Variants in COL24A1 observed in about 807,000 individuals in gnomAD.
COL24A1 encodes the protein collagen type XXIV alpha 1 chain.
A neutral mutation model predicts 253.9 loss-of-function variants in COL24A1; 224 were observed. The observed-to-expected ratio is 0.88, with a 90% CI of 0.79 to 0.99. The LOEUF is 0.99. Ranked by LOEUF, COL24A1 falls within the 50% of genes least tolerant of loss-of-function variation. COL24A1 has a pLI of 0.00. For missense variants in COL24A1, 2,131 were observed against 2,068.5 expected (o/e 1.03, Z -0.59); for synonymous variants, 685 against 673.7 (o/e 1.02, Z -0.26).
intron 5 of COL24A1, among the ~76,000 whole-genome samples, chr1:86,102,125 GT>G (rs1330014916): frequency 2.6e-5 from 4 of 151,956 alleles, no homozygotes; most frequent in African/African-American, 9.7e-5. Flanking sequence ...GGGAAAGTGT[GT>G]GTGTCCAGGA....
intron 24 of COL24A1, among the ~76,000 whole-genome samples, chr1:85,922,832 G>A (rs1392525290): frequency 6.6e-6 from 1 of 152,194 alleles, no homozygotes; most frequent in Non-Finnish European, 1.5e-5. Context: ...AACCTTAAAT[G>A]TAAATGGGCT....
chr1:86,156,392 T>G lies in COL24A1; in HGVS notation c.5A>C (p.His2Pro). 6.2e-7 allele frequency: 1 copy of G among 1,611,748 alleles called. No homozygotes were observed. Among genetic ancestry groups the G allele is most frequent in the Non-Finnish European group, 8.5e-7 (1 of 1,179,046 alleles). The change falls in exon 1 of 60, where the codon CAT becomes CCT. Residue 2 changes from histidine to proline, a missense_variant. Physicochemically the swap from His to Pro is moderately conservative, Grantham distance 77. Transcript: ENST00000370571. ...ACGCCTTGTTCTGTGGGCTCTTAAA[T>G]GCATTTGTATGCATTTGTCCGTGCA... is the stretch of plus-strand genomic sequence containing the variant. M[H>P]LRAHRTRRGK...
chr1:86,013,308 A>C lies in COL24A1; in HGVS notation c.2310+3843T>G, dbSNP rs566161293. ...ATTACTTTCACTGAATTATGCTTTC[A>C]CATTGTAACATCCATCTATACTGAA... On this transcript the variant is annotated intron_variant, in intron 19 of 59. Transcript: ENST00000370571. 2.6e-5 allele frequency among the ~76,000 whole-genome samples: 4 copies of C among 152,354 alleles called. No individual in the cohort carries two copies. In the South Asian group the frequency reaches 8.3e-4, roughly 32 times the overall value.
intron 7 of COL24A1, among the ~76,000 whole-genome samples, chr1:86,088,086 T>C (rs1307816173): frequency 2.6e-5 from 4 of 152,242 alleles, no homozygotes; most frequent in Non-Finnish European, 5.9e-5. Flanking sequence ...TGACAATTTA[T>C]GTGACACGGT....
At chr1:86,055,407 A>G (rs185152804) in intron 10 of COL24A1, among the ~76,000 whole-genome samples, 32 of 152,360 alleles carry the variant, frequency 2.1e-4, no homozygotes, top group African/African-American at 6.0e-4. Flanking sequence ...CTAAAAGTAC[A>G]ACTTAAGAGG....
chr1:86,042,844 C>T (rs1328265447), intron 12 of COL24A1, among the ~76,000 whole-genome samples: 1 of 152,012 alleles, frequency 6.6e-6, no homozygotes, highest in Non-Finnish European at 1.5e-5. Context: ...TTAGACAAGA[C>T]TTTTAGTCCA....
chr1:85,870,772 A>G (rs1201786976), intron 35 of COL24A1, among the ~76,000 whole-genome samples: 1 of 152,180 alleles, frequency 6.6e-6, no homozygotes, highest in African/African-American at 2.4e-5. Context: ...ACACCCTAAC[A>G]TCACAATTAA....
chr1:85,869,028 T>C (rs960358381), intron 35 of COL24A1, among the ~76,000 whole-genome samples, 193 bp from the exon 36 acceptor site: 2 of 152,186 alleles, frequency 1.3e-5, no homozygotes, highest in Non-Finnish European at 2.9e-5. Context: ...GAAGATGATT[T>C]CATGATTCAG....
chr1:85,997,697 G>A (rs575584399), intron 19 of COL24A1, among the ~76,000 whole-genome samples: 20 of 151,392 alleles, frequency 1.3e-4, no homozygotes, highest in African/African-American at 4.4e-4. Flanking sequence ...CAGGAGAATC[G>A]CTTGAACCCA....
intron 1 of COL24A1, among the ~76,000 whole-genome samples, chr1:86,152,178 T>C (rs1404317195): frequency 6.6e-6 from 1 of 152,182 alleles, no homozygotes; most frequent in Non-Finnish European, 1.5e-5. Context: ...TTGCAATTAA[T>C]TTTTCAGACT....
chr1:86,126,292 TA>T, intron 2 of COL24A1, 78 bp from the exon 3 acceptor site: 1 of 1,319,222 alleles, frequency 7.6e-7, no homozygotes, highest in Admixed American at 2.4e-5. Flanking sequence ...TTGAATATGA[TA>T]AAAATCTTCC....
At chr1:86,093,919 C>A (rs1703698932) in intron 5 of COL24A1, among the ~76,000 whole-genome samples, 1 of 152,078 alleles carries the variant, frequency 6.6e-6, no homozygotes, top group African/African-American at 2.4e-5. Context: ...TAGAGAAATG[C>A]AATTCAAAAC....
In COL24A1 at chr1:85,744,777, G is replaced by T; in HGVS notation, c.4561C>A (p.Leu1521Met). 6.2e-7 allele frequency: 1 copy of T among 1,610,028 alleles called. No homozygotes were observed. The highest frequency in any genetic ancestry group is 8.5e-7 in the Non-Finnish European group (1 of 1,178,644). ...TGCAATAAATTGCTAAGGTAGTTCA[G>T]GGTTTTGAATATCTCTTCACTGTGG... ...IDHSEEIFKT[L>M]NYLSNLLHSI... The change falls in exon 57 of 60, where the codon CTG becomes ATG. Residue 1521 changes from leucine to methionine, a missense_variant. By Grantham distance (15) the Leu-to-Met change is conservative. Coordinates refer to ENST00000370571, the MANE Select transcript of COL24A1 (RefSeq NM_152890.7).
chr1:85,895,733 T>C (rs546441169), intron 31 of COL24A1, 125 bp downstream of exon 31: 1 of 748,956 alleles, frequency 1.3e-6, no homozygotes, highest in South Asian at 1.7e-5. Context: ...AAATATCACA[T>C]TGTATACTGC....
chr1:85,817,975 G>T, intron 46 of COL24A1, 59 bp downstream of exon 46: 1 of 1,417,426 alleles, frequency 7.1e-7, no homozygotes, highest in Non-Finnish European at 9.9e-7. Flanking sequence ...TTTTCTGCTT[G>T]CTAAAGTTGC....
chr1:85,868,652 A>G (rs1459350726), intron 36 of COL24A1, 26 bp from the exon 37 acceptor site: 2 of 1,582,984 alleles, frequency 1.3e-6, no homozygotes, highest in African/African-American at 1.3e-5. Context: ...AAAGTTTTCT[A>G]TAAAGGAATA....
chr1:85,922,535 A>T (rs1482585262), intron 24 of COL24A1, among the ~76,000 whole-genome samples: 1 of 152,204 alleles, frequency 6.6e-6, no homozygotes, highest in Non-Finnish European at 1.5e-5. Context: ...AAAGAAAAGA[A>T]TTTTCAATCC....
chr1:85,745,609 A>ACTT, intron 55 of COL24A1, 103 bp from the exon 56 acceptor site: 1 of 763,872 alleles, frequency 1.3e-6, no homozygotes, highest in Non-Finnish European at 2.1e-6. Flanking sequence ...AGTATACCAG[A>ACTT]CTTATTATCT....
chr1:85,940,562 A>G (rs1688661125), intron 24 of COL24A1, among the ~76,000 whole-genome samples: 1 of 152,190 alleles, frequency 6.6e-6, no homozygotes, highest in Non-Finnish European at 1.5e-5. Context: ...AGAATATAAG[A>G]CAAGCACTTC....
Sources: allele counts gnomAD v4.1 joint callset (sites outside exome capture counted in the v4.1 genomes callset), GRCh38; gene constraint gnomAD v4.1.1; transcripts MANE v1.5; gene names NCBI Gene and HGNC (gene_info 2026-07-23, HGNC 2026-07-21).